The following RBFOX1 variants were observed in gnomAD, a reference collection of about 807,000 sequenced individuals.
RBFOX1 encodes the protein RNA binding protein fox-1 homolog 1.
RBFOX1 carries 8 observed loss-of-function variants against 57.7 expected under a neutral mutation model. The ratio of observed to expected loss-of-function variants is 0.14; its 90% CI spans 0.08 to 0.25. The LOEUF is 0.25. RBFOX1 is among the 10% of genes least tolerant of loss of function. The probability of loss-of-function intolerance (pLI) is 1.00; values close to 1 mark genes in which losing one functional copy is unlikely to be tolerated. For synonymous variants in RBFOX1, 326 were observed against 222.4 expected, an observed-to-expected ratio of 1.47 and a Z score of -4.15; for missense variants, 611 against 548.5, an observed-to-expected ratio of 1.11 and a Z score of -1.14.
intron 1 of RBFOX1, among the ~76,000 whole-genome samples, chr16:5,356,781 T>C (rs2065400613): frequency 6.6e-6 from 1 of 152,202 alleles, no homozygotes; most frequent in Admixed American, 6.5e-5. Flanking sequence ...GAAATTAATT[T>C]ATTTGACTGC....
At chr16:6,141,232 C>T (rs150957695) in intron 1 of RBFOX1, among the ~76,000 whole-genome samples, 87 of 152,324 alleles carry the variant, frequency 5.7e-4, no homozygotes, top group Non-Finnish European at 8.7e-4. Flanking sequence ...AGCCTCTTTT[C>T]TCAGTGCCCT....
chr16:6,002,464 A>C (rs2060618713), intron 4 of RBFOX1, among the ~76,000 whole-genome samples: 1 of 152,200 alleles, frequency 6.6e-6, no homozygotes, highest in African/African-American at 2.4e-5. Context: ...TTGCATTTTG[A>C]ACTGATTTTG....
At chr16:6,939,943 T>C (rs1034045646) in intron 3 of RBFOX1, among the ~76,000 whole-genome samples, 21 of 152,342 alleles carry the variant, frequency 1.4e-4, no homozygotes, top group African/African-American at 3.8e-4. Context: ...TTAAATGATA[T>C]AGCAGGAATG....
intron 10 of RBFOX1, among the ~76,000 whole-genome samples, chr16:7,626,333 G>C (rs570055726): frequency 6.6e-6 from 1 of 152,324 alleles, no homozygotes; most frequent in South Asian, 2.1e-4. Context: ...GGAGACTACT[G>C]CTCAGCAGAA....
intron 4 of RBFOX1, among the ~76,000 whole-genome samples, chr16:7,145,909 G>A (rs2074870373): frequency 6.6e-6 from 1 of 152,062 alleles, no homozygotes; most frequent in Non-Finnish European, 1.5e-5. Flanking sequence ...TCAAGTCCAT[G>A]ACCCTCTGGC....
rs897149838 is a variant in RBFOX1 at position 6,690,414 on chromosome 16, A to T, written c.-16+35764A>T. On this transcript the variant is annotated intron_variant, in intron 3 of 15. Coordinates refer to ENST00000550418, the MANE Select transcript of RBFOX1 (RefSeq NM_018723.4). Reference sequence around the variant, plus strand: ...TCATATAAAGGGCCATCACACTTTTAAAAAAATGGAGGGACTATTTGAAAT... The same window carrying T: ...TCATATAAAGGGCCATCACACTTTTTAAAAAATGGAGGGACTATTTGAAAT... Among the ~76,000 whole-genome samples, 6 of 152,244 alleles carry T rather than the reference A, an allele frequency of 3.9e-5. No homozygotes were observed. In the South Asian group the frequency reaches 1.2e-3, roughly 32 times the overall value.
chr16:7,233,883 A>G (rs530134833), intron 4 of RBFOX1, among the ~76,000 whole-genome samples: 13 of 152,310 alleles, frequency 8.5e-5, no homozygotes, highest in African/African-American at 2.9e-4. Flanking sequence ...CAAAAAGTCA[A>G]TCACCACTCA....
chr16:7,632,939 A>G (rs961593191), intron 11 of RBFOX1, among the ~76,000 whole-genome samples: 1 of 152,246 alleles, frequency 6.6e-6, no homozygotes, highest in Non-Finnish European at 1.5e-5. Context: ...TGGTATAGCT[A>G]TTCTAAAGTG....
intron 4 of RBFOX1, among the ~76,000 whole-genome samples, chr16:6,010,747 G>A (rs150862828): frequency 1.8e-4 from 28 of 152,278 alleles, no homozygotes; most frequent in African/African-American, 6.7e-4. Context: ...TCCGTTAGAT[G>A]TTTATGTTCA....
At chr16:6,555,546 A>G (rs1265114209) in intron 2 of RBFOX1, among the ~76,000 whole-genome samples, 1 of 152,024 alleles carries the variant, frequency 6.6e-6, no homozygotes, top group East Asian at 1.9e-4. Flanking sequence ...AAAAAATACA[A>G]AAAATTAGCC....
At chr16:7,302,549 G>A (rs532341969) in intron 4 of RBFOX1, among the ~76,000 whole-genome samples, 118 of 151,702 alleles carry the variant, frequency 7.8e-4, no homozygotes, top group African/African-American at 2.8e-3. Flanking sequence ...GCAGGTCAGT[G>A]AGAAGCTGTC....
Position 5,854,690 on chromosome 16 carries a change from C to T in RBFOX1, c.319-12613C>T, listed in dbSNP as rs1163021175. 6.6e-5 allele frequency among the ~76,000 whole-genome samples: 10 copies of T among 152,152 alleles called. No homozygotes were observed. The East Asian group carries it at 1.4e-3, about 21-fold the overall frequency. ...TTTGCTGTAGTGAGTAATGCTGCAG[C>T]GAACATGGGGGTGCACATATCTTTG... On this transcript the variant is annotated intron_variant, in intron 3 of 19. Coordinates refer to the RBFOX1 transcript ENST00000641259.
At chr16:7,577,257 T>C (rs2093411471) in intron 5 of RBFOX1, among the ~76,000 whole-genome samples, 1 of 152,186 alleles carries the variant, frequency 6.6e-6, no homozygotes, top group South Asian at 2.1e-4. Flanking sequence ...TCCTTATTGC[T>C]CTTAGGATGA....
rs192553350 is a variant in RBFOX1, at chr16:7,552,332, T to C, written c.271-27445T>C. 4.5e-4 allele frequency among the ~76,000 whole-genome samples: 68 copies of C among 152,294 alleles called. No individual in the cohort carries two copies. The East Asian group carries it at 8.7e-3, about 20-fold the overall frequency. On this transcript the variant is annotated intron_variant, in intron 5 of 15. Coordinates refer to ENST00000550418, the MANE Select transcript of RBFOX1 (RefSeq NM_018723.4). ...ATCCATAGACTCCATCAATTTCTTT[T>C]ATAGTGAGAGGCGACAGGATACTCA...
intron 1 of RBFOX1, among the ~76,000 whole-genome samples, chr16:5,329,398 A>G (rs556163825): frequency 3.0e-4 from 45 of 152,236 alleles, no homozygotes; most frequent in African/African-American, 9.9e-4. Context: ...CCACTTTTAA[A>G]TAACCAGATC....
chr16:7,246,048 A>G (rs1455272442), intron 4 of RBFOX1, among the ~76,000 whole-genome samples: 1 of 152,230 alleles, frequency 6.6e-6, no homozygotes, highest in African/African-American at 2.4e-5. Flanking sequence ...TAGATGAATG[A>G]TTAATTCCAC....
chr16:6,107,076 C>T (rs1291074247), intron 1 of RBFOX1, among the ~76,000 whole-genome samples: 1 of 152,230 alleles, frequency 6.6e-6, no homozygotes, highest in East Asian at 1.9e-4. Flanking sequence ...CCTCTTTTAC[C>T]TGCCTCCTCT....
chr16:6,580,412 G>T (rs150515442), intron 2 of RBFOX1, among the ~76,000 whole-genome samples: 1 of 152,256 alleles, frequency 6.6e-6, no homozygotes, highest in Non-Finnish European at 1.5e-5. Context: ...TAATTATGTG[G>T]TCATTGAAGA....
chr16:5,685,053 C>G (rs1169243536), intron 3 of RBFOX1, among the ~76,000 whole-genome samples: 1 of 152,100 alleles, frequency 6.6e-6, no homozygotes, highest in Non-Finnish European at 1.5e-5. Context: ...GGTTGTGATT[C>G]TCTTCCCAGC....
Sources: allele counts gnomAD v4.1 joint callset (sites outside exome capture counted in the v4.1 genomes callset), GRCh38; gene constraint gnomAD v4.1.1; transcripts MANE v1.5; gene names NCBI Gene and HGNC (gene_info 2026-07-23, HGNC 2026-07-21).